The following CCBE1 variants were observed in gnomAD, a reference collection of about 807,000 sequenced individuals.
CCBE1 encodes the protein collagen and calcium-binding EGF domain-containing protein 1.
A neutral mutation model predicts 50.0 loss-of-function variants in CCBE1; 37 were observed. The ratio of observed to expected loss-of-function variants is 0.74; its 90% CI spans 0.57 to 0.97. The LOEUF (loss-of-function observed/expected upper bound fraction) is 0.97. Among genes scored for constraint, CCBE1 ranks in the 50% least tolerant of loss-of-function variants. The pLI is 0.00. For missense variants in CCBE1, 538 were observed against 523.8 expected, an observed-to-expected ratio of 1.03 and a Z score of -0.26; for synonymous variants, 234 against 203.7, an observed-to-expected ratio of 1.15 and a Z score of -1.27.
intron 2 of CCBE1, among the ~76,000 whole-genome samples, chr18:59,591,969 A>T (rs989462917): frequency 2.0e-5 from 3 of 152,246 alleles, no homozygotes; most frequent in African/African-American, 7.2e-5. Flanking sequence ...GAGCATTGAC[A>T]TGATGCCCCA....
At chr18:59,501,525 C>T (rs1317160697) in intron 2 of CCBE1, among the ~76,000 whole-genome samples, 1 of 152,088 alleles carries the variant, frequency 6.6e-6, no homozygotes, top group Non-Finnish European at 1.5e-5. Flanking sequence ...AACTAAGTGT[C>T]GACACTCCTC....
At chr18:59,563,503 T>C (rs1311802504) in intron 2 of CCBE1, among the ~76,000 whole-genome samples, 1 of 152,160 alleles carries the variant, frequency 6.6e-6, no homozygotes, top group Non-Finnish European at 1.5e-5. Context: ...ATTCTGGCTG[T>C]GGGCCTACTC....
intron 3 of CCBE1, among the ~76,000 whole-genome samples, chr18:59,474,572 C>T (rs998613359): frequency 4.6e-5 from 7 of 152,164 alleles, no homozygotes; most frequent in African/African-American, 1.7e-4. Context: ...TTTACCGAAA[C>T]CCTCCTTTTT....
Position 59,579,408 on chromosome 18 carries a change from A to T in CCBE1, c.213-99170T>A, listed in dbSNP as rs563298366. Among the ~76,000 whole-genome samples, 47 of 152,168 alleles carry T rather than the reference A, an allele frequency of 3.1e-4. No homozygotes were observed. In the East Asian group the frequency reaches 8.7e-3, roughly 28 times the overall value. On this transcript the variant is annotated intron_variant, in intron 2 of 10. Coordinates refer to ENST00000439986, the MANE Select transcript of CCBE1 (RefSeq NM_133459.4). The stretch of plus-strand genomic sequence containing the variant: ...ATCACATGGGGATCTTTAAAAAAAA[A>T]AAAAAAGATTCCTACGTCCCAGCCC...
chr18:59,683,448 C>T (rs1386303328), intron 2 of CCBE1, among the ~76,000 whole-genome samples: 1 of 152,200 alleles, frequency 6.6e-6, no homozygotes, highest in African/African-American at 2.4e-5. Context: ...GTAATCCCAG[C>T]ACTGTGGGAG....
rs1910331575 is a variant in CCBE1 at position 59,439,743 on chromosome 18, G to C, written c.849C>G (p.Gly283=). The C allele has an allele frequency of 1.9e-6, 3 of 1,614,106 alleles. No individual in the cohort carries two copies. The Admixed American group carries it at 5.0e-5, about 27-fold the overall frequency. Residue 283 remains glycine (G), a synonymous_variant, in exon 8 of 11, where the codon GGC becomes GGG. Coordinates refer to ENST00000439986, the MANE Select transcript of CCBE1 (RefSeq NM_133459.4). ...PGPPGQPGPR[G]SMGPMGPSPD... ...GAGATGGTCCCATGGGTCCCATTGA[G>C]CCCCGTGGGCCGGGCTGCCCAGGAG...
At position 59,645,759 on chromosome 18, in the gene CCBE1, C is replaced by T. The variant is rs536698256; in HGVS notation, c.212+50870G>A. 2.8e-4 allele frequency among the ~76,000 whole-genome samples: 42 copies of T among 152,294 alleles called. No homozygotes were observed. In the East Asian group the frequency reaches 2.9e-3, roughly 10 times the overall value. On this transcript the variant is annotated intron_variant, in intron 2 of 10. Transcript: ENST00000439986. The stretch of plus-strand genomic sequence containing the variant: ...AAAGTATCAAAAGACAGGCTGGGCG[C>T]GGTGGCTCACGCCTATAATCCCAGC...
At chr18:59,663,336 G>A (rs186285350) in intron 2 of CCBE1, among the ~76,000 whole-genome samples, 29 of 152,288 alleles carry the variant, frequency 1.9e-4, no homozygotes, top group Admixed American at 1.4e-3. Flanking sequence ...TGGAATAGCT[G>A]GAAGGACATT....
At chr18:59,559,919 G>A (rs891529931) in intron 2 of CCBE1, among the ~76,000 whole-genome samples, 1 of 152,120 alleles carries the variant, frequency 6.6e-6, no homozygotes, top group African/African-American at 2.4e-5. Flanking sequence ...CAATGCAACC[G>A]GGACAGTCCA....
chr18:59,436,677 A>C (rs1910171649), intron 10 of CCBE1, among the ~76,000 whole-genome samples: 1 of 152,212 alleles, frequency 6.6e-6, no homozygotes, highest in Non-Finnish European at 1.5e-5. Flanking sequence ...GTATTCAAAA[A>C]TGTTATCTGG....
chr18:59,533,211 T>C (rs1202396200), intron 2 of CCBE1, among the ~76,000 whole-genome samples: 4 of 152,196 alleles, frequency 2.6e-5, no homozygotes, highest in Admixed American at 2.6e-4. Context: ...ACACAAAAGT[T>C]CAAGACTTCA....
At chr18:59,460,499 A>G (rs1201662082) in intron 5 of CCBE1, among the ~76,000 whole-genome samples, 2 of 151,842 alleles carry the variant, frequency 1.3e-5, no homozygotes, top group Admixed American at 6.6e-5. Context: ...GGAATGTGGG[A>G]CTCTTTTTGG....
chr18:59,447,958 C>G (rs779323436), intron 7 of CCBE1, 25 bp downstream of exon 7: 20 of 1,613,888 alleles, frequency 1.2e-5, no homozygotes, highest in African/African-American at 1.1e-4. Context: ...GGTGATCACC[C>G]TCCTGTGCCC....
intron 2 of CCBE1, among the ~76,000 whole-genome samples, chr18:59,579,449 A>G (rs2053051765): frequency 1.3e-5 from 2 of 152,186 alleles, no homozygotes; most frequent in South Asian, 4.1e-4. Flanking sequence ...ACTCTCATTC[A>G]GAGGTCCCGG....
intron 2 of CCBE1, among the ~76,000 whole-genome samples, chr18:59,563,228 C>T (rs1009513300): frequency 4.6e-5 from 7 of 152,112 alleles, no homozygotes; most frequent in East Asian, 3.9e-4. Context: ...ATATAAAACC[C>T]CAACTCTGCT....
intron 2 of CCBE1, among the ~76,000 whole-genome samples, chr18:59,515,186 C>A (rs770758467): frequency 2.6e-5 from 4 of 152,162 alleles, no homozygotes; most frequent in Non-Finnish European, 5.9e-5. Context: ...ACGGTTGCAA[C>A]CTACACGTTC....
At chr18:59,586,970 T>C (rs2053187105) in intron 2 of CCBE1, among the ~76,000 whole-genome samples, 1 of 152,052 alleles carries the variant, frequency 6.6e-6, no homozygotes, top group African/African-American at 2.4e-5. Flanking sequence ...AGAGGGCAGA[T>C]ATGAAACAGA....
intron 2 of CCBE1, among the ~76,000 whole-genome samples, chr18:59,486,501 A>G (rs905407450): frequency 6.6e-6 from 1 of 152,244 alleles, no homozygotes; most frequent in African/African-American, 2.4e-5. Context: ...AGAAATAAAA[A>G]TGCAAGCCCC....
intron 3 of CCBE1, 121 bp from the exon 4 acceptor site, chr18:59,469,728 A>T: frequency 7.6e-7 from 1 of 1,308,338 alleles, no homozygotes; most frequent in Non-Finnish European, 1.1e-6. Context: ...GTGTGGACAG[A>T]TATACTTGGA....
Sources: allele counts gnomAD v4.1 joint callset (sites outside exome capture counted in the v4.1 genomes callset), GRCh38; gene constraint gnomAD v4.1.1; transcripts MANE v1.5; gene names NCBI Gene and HGNC (gene_info 2026-07-23, HGNC 2026-07-21).